The following ENOX1 variants were observed in gnomAD, a reference collection of about 807,000 sequenced individuals.
ENOX1 encodes candidate growth-related and time keeping constitutive hydroquinone (NADH) oxidase.
ENOX1 carries 42 observed loss-of-function variants against 82.5 expected under a neutral mutation model. The ratio of observed to expected loss-of-function variants is 0.51; its 90% CI spans 0.40 to 0.66. The LOEUF (loss-of-function observed/expected upper bound fraction) is 0.66, where lower values mean the gene tolerates loss of function less well. Among genes scored for constraint, ENOX1 ranks in the 30% least tolerant of loss-of-function variants. ENOX1 has a pLI of 0.00. For synonymous variants in ENOX1, 271 were observed against 282.2 expected, an observed-to-expected ratio of 0.96 and a Z score of 0.40; for missense variants, 608 against 811.6, an observed-to-expected ratio of 0.75 and a Z score of 3.05.
chr13:43,314,455 G>C (rs530428322), intron 11 of ENOX1, among the ~76,000 whole-genome samples: 1 of 152,266 alleles, frequency 6.6e-6, no homozygotes, highest in Admixed American at 6.5e-5. Context: ...AGTATCCCTA[G>C]CATCTTCAAG....
chr13:43,233,749 A>AC (rs1325700974), intron 15 of ENOX1, among the ~76,000 whole-genome samples: 13 of 152,050 alleles, frequency 8.5e-5, no homozygotes, highest in Admixed American at 8.5e-4. Flanking sequence ...CATACAGCAT[A>AC]CACTATAAGC....
At chr13:43,277,512 A>G (rs886694929) in intron 12 of ENOX1, among the ~76,000 whole-genome samples, 5 of 152,184 alleles carry the variant, frequency 3.3e-5, no homozygotes, top group African/African-American at 1.2e-4. Flanking sequence ...AAGTGTTTCC[A>G]AGGGTCTGGC....
chr13:43,337,264 A>C (rs1254840956), intron 9 of ENOX1, among the ~76,000 whole-genome samples: 4 of 152,332 alleles, frequency 2.6e-5, no homozygotes, highest in African/African-American at 9.6e-5. Context: ...GCTTACAAGA[A>C]TTATGCCAGG....
At chr13:43,628,117 C>A (rs1197575641) in intron 2 of ENOX1, among the ~76,000 whole-genome samples, 1 of 152,048 alleles carries the variant, frequency 6.6e-6, no homozygotes, top group Non-Finnish European at 1.5e-5. Flanking sequence ...TCCTCAGCTT[C>A]TTGAATCTGT....
intron 2 of ENOX1, among the ~76,000 whole-genome samples, chr13:43,631,421 G>A (rs1472776063): frequency 1.3e-5 from 2 of 152,124 alleles, no homozygotes; most frequent in African/African-American, 4.8e-5. Flanking sequence ...TCAGTGGTGC[G>A]GCCAGGTAAG....
Position 43,248,008 on chromosome 13 carries a change from C to T in ENOX1, c.1612-11270G>A, listed in dbSNP as rs796321938. On this transcript the variant is annotated intron_variant, in intron 14 of 16. Transcript: ENST00000690772. ...TCACGCCATTCTCCTGCCTCAGCCTCCCAAGTACCTGGGACTACAGGCGCC... is the reference window on the plus strand; with the variant it reads ...TCACGCCATTCTCCTGCCTCAGCCTTCCAAGTACCTGGGACTACAGGCGCC... Among the ~76,000 whole-genome samples, 472 of 144,560 alleles carry T rather than the reference C, an allele frequency of 3.3e-3. 3 individuals are homozygous for T. Among genetic ancestry groups the T allele is most frequent in the Admixed American group, 5.0e-3 (72 of 14,464 alleles). The allele number at this position is 144,560 out of a possible 152,430, so 94.8% of individuals were successfully genotyped here.
intron 13 of ENOX1, among the ~76,000 whole-genome samples, chr13:43,268,535 G>GA (rs1352792974): frequency 6.6e-6 from 1 of 151,638 alleles, no homozygotes; most frequent in Admixed American, 6.6e-5. Flanking sequence ...ACCTTTGGGA[G>GA]AAAATAACTA....
chr13:43,660,753 A>C (rs978828222), intron 2 of ENOX1, among the ~76,000 whole-genome samples: 1 of 152,336 alleles, frequency 6.6e-6, no homozygotes, highest in South Asian at 2.1e-4. Context: ...CACTGGAGCA[A>C]AAAGGACCTT....
At chr13:43,429,877 T>C (rs965177650) in intron 3 of ENOX1, among the ~76,000 whole-genome samples, 1 of 152,202 alleles carries the variant, frequency 6.6e-6, no homozygotes, top group East Asian at 1.9e-4. Context: ...TTCCAAAATA[T>C]AATAAACATA....
chr13:43,350,634 G>C (rs2049715154), intron 8 of ENOX1, among the ~76,000 whole-genome samples: 1 of 152,028 alleles, frequency 6.6e-6, no homozygotes, highest in Admixed American at 6.6e-5. Context: ...TAGTAGAGAT[G>C]GGGTTTCTCC....
intron 9 of ENOX1, among the ~76,000 whole-genome samples, chr13:43,330,697 G>A (rs565720635): frequency 1.3e-5 from 2 of 152,218 alleles, no homozygotes; most frequent in South Asian, 2.1e-4. Flanking sequence ...AGAGCCCCTA[G>A]TATACCCAGC....
intron 2 of ENOX1, among the ~76,000 whole-genome samples, chr13:43,517,605 A>G (rs1026197962): frequency 2.0e-5 from 3 of 152,180 alleles, no homozygotes; most frequent in African/African-American, 7.2e-5. Flanking sequence ...GTCTTTGACC[A>G]GAAGTTCAGG....
intron 1 of ENOX1, among the ~76,000 whole-genome samples, chr13:43,720,048 A>G (rs2088462572): frequency 1.3e-5 from 2 of 152,228 alleles, no homozygotes; most frequent in African/African-American, 2.4e-5. Context: ...TAAAAATAAG[A>G]CAGAGAACAG....
intron 14 of ENOX1, among the ~76,000 whole-genome samples, chr13:43,259,814 G>A (rs887191623): frequency 2.0e-5 from 3 of 152,098 alleles, no homozygotes; most frequent in African/African-American, 7.2e-5. Context: ...GGGTGAGGAA[G>A]GTGTGAAACC....
chr13:43,775,614 T>G (rs1318624437), intron 1 of ENOX1, among the ~76,000 whole-genome samples: 1 of 152,200 alleles, frequency 6.6e-6, no homozygotes, highest in Non-Finnish European at 1.5e-5. Flanking sequence ...TGCCCACGAT[T>G]GGGTGGTTGA....
intron 3 of ENOX1, among the ~76,000 whole-genome samples, chr13:43,471,545 T>A (rs151200976): frequency 1.8e-3 from 276 of 152,280 alleles, no homozygotes; most frequent in African/African-American, 6.5e-3. Context: ...AAGTGGTGGC[T>A]CACACCTGTA....
chr13:43,413,126 C>A, intron 3 of ENOX1, 138 bp from the exon 4 acceptor site: 1 of 883,864 alleles, frequency 1.1e-6, no homozygotes. Context: ...ATGCTGCTTC[C>A]CATCGCTCAG....
intron 2 of ENOX1, among the ~76,000 whole-genome samples, chr13:43,492,653 T>A (rs2076661567): frequency 1.3e-5 from 2 of 152,248 alleles, no homozygotes; most frequent in South Asian, 4.1e-4. Context: ...AATTTTATTT[T>A]ACCTTAGCAT....
intron 3 of ENOX1, among the ~76,000 whole-genome samples, chr13:43,460,933 T>C (rs9562491): frequency 2.0e-5 from 3 of 151,920 alleles, no homozygotes; most frequent in East Asian, 1.9e-4. Context: ...AGCTGCAATT[T>C]TGATCCTATT....
Sources: gnomAD v4.1 joint callset for allele counts (sites outside exome capture counted in the v4.1 genomes callset) on GRCh38, gnomAD v4.1.1 for gene constraint, MANE v1.5 for transcripts, NCBI Gene and HGNC (gene_info 2026-07-23, HGNC 2026-07-21) for gene names.